DLG2: variants seen among roughly 807,000 people sequenced by gnomAD.
DLG2 encodes the protein disks large homolog 2.
A neutral mutation model predicts 132.5 loss-of-function variants in DLG2; 45 were observed. The ratio of observed to expected loss-of-function variants is 0.34; its 90% CI spans 0.27 to 0.44. The LOEUF is 0.44. Among genes scored for constraint, DLG2 ranks in the 20% least tolerant of loss-of-function variants. The probability of loss-of-function intolerance (pLI) is 1.00; values close to 1 mark genes in which losing one functional copy is unlikely to be tolerated. For missense variants in DLG2, 1,045 were observed against 1,196.9 expected (o/e 0.87, Z 1.87); for synonymous variants, 424 against 419.6 (o/e 1.01, Z -0.13).
chr11:83,615,163 C>A (rs1416014809), intron 19 of DLG2, among the ~76,000 whole-genome samples: 1 of 152,132 alleles, frequency 6.6e-6, no homozygotes, highest in Non-Finnish European at 1.5e-5. Context: ...TGCAAGTCTT[C>A]AGAATATCTT....
chr11:85,038,734 A>G (rs1290271175), intron 6 of DLG2, among the ~76,000 whole-genome samples: 1 of 152,090 alleles, frequency 6.6e-6, no homozygotes, highest in Admixed American at 6.6e-5. Context: ...AAGAATTTCT[A>G]TAAAGTGGCC....
chr11:84,273,983 T>C (rs888027674), intron 7 of DLG2, among the ~76,000 whole-genome samples: 4 of 152,206 alleles, frequency 2.6e-5, no homozygotes, highest in African/African-American at 9.6e-5. Flanking sequence ...GTCACTTTTA[T>C]TCCTTATTCT....
chr11:84,703,887 C>CGTGTGTGTGTGTGTGTGT (rs370287195), intron 6 of DLG2, among the ~76,000 whole-genome samples: 1 of 114,746 alleles, frequency 8.7e-6, no homozygotes, highest in Non-Finnish European at 1.7e-5. Flanking sequence ...TATATATACA[C>CGTGTGTGTGTGTGTGTGT]GTGTGTGTGT....
At chr11:83,746,003 A>C (rs570307614) in intron 18 of DLG2, among the ~76,000 whole-genome samples, 2 of 152,328 alleles carry the variant, frequency 1.3e-5, no homozygotes, top group East Asian at 3.9e-4. Context: ...TCATCAGAGA[A>C]ATGCAAATCA....
intron 8 of DLG2, among the ~76,000 whole-genome samples, chr11:84,180,171 G>A (rs918727406): frequency 5.3e-5 from 8 of 152,218 alleles, no homozygotes; most frequent in Admixed American, 3.3e-4. Flanking sequence ...GACGAATAAT[G>A]TAAGTAGAGA....
intron 6 of DLG2, among the ~76,000 whole-genome samples, chr11:84,946,846 A>T (rs947302640): frequency 6.6e-6 from 1 of 152,130 alleles, no homozygotes; most frequent in Non-Finnish European, 1.5e-5. Context: ...AGAGCCCCAG[A>T]GCCCTTTAGC....
chr11:83,885,330 T>G (rs763531816), intron 15 of DLG2, among the ~76,000 whole-genome samples: 1 of 152,066 alleles, frequency 6.6e-6, no homozygotes, highest in Non-Finnish European at 1.5e-5. Flanking sequence ...TGTGATCAAC[T>G]GGAAGAAAGG....
chr11:84,944,376 T>A (rs1043546352), intron 6 of DLG2, among the ~76,000 whole-genome samples: 1 of 152,122 alleles, frequency 6.6e-6, no homozygotes, highest in Non-Finnish European at 1.5e-5. Flanking sequence ...GATTTGGCCT[T>A]TTGAGGCTAT....
At position 84,296,164 on chromosome 11, in the gene DLG2, T is replaced by G. The variant is rs187863927; in HGVS notation, c.520-44873A>C. On this transcript the variant is annotated intron_variant, in intron 7 of 27. Coordinates refer to ENST00000376104, the MANE Select transcript of DLG2 (RefSeq NM_001142699.3). ...TACTATCTTAAAATCGAACTGAAAT[T>G]TAAAGGAGGAAAAAATTTTAGAGCA... Among the ~76,000 whole-genome samples the G allele has an allele frequency of 2.0e-4, 31 of 152,288 alleles. No homozygotes were observed. The East Asian group carries it at 6.0e-3, about 29-fold the overall frequency.
intron 7 of DLG2, among the ~76,000 whole-genome samples, chr11:84,478,859 T>C (rs1161191315): frequency 6.6e-6 from 1 of 152,060 alleles, no homozygotes; most frequent in Non-Finnish European, 1.5e-5. Context: ...CTTTGACGTA[T>C]AAAAGATGAT....
At chr11:85,500,557 AAAAT>A (rs71036481) in intron 3 of DLG2, among the ~76,000 whole-genome samples, 1 of 37,616 alleles carries the variant, frequency 2.7e-5, no homozygotes, top group Non-Finnish European at 7.0e-5. Flanking sequence ...AAATAAAAAT[AAAAT>A]AAATAAATAA....
At chr11:85,585,769 A>C (rs939812476) in intron 3 of DLG2, among the ~76,000 whole-genome samples, 1 of 150,942 alleles carries the variant, frequency 6.6e-6, no homozygotes, top group Non-Finnish European at 1.5e-5. Flanking sequence ...GCTGGAGTGC[A>C]GTGGCATGAT....
chr11:84,433,031 CA>C lies in DLG2; in HGVS notation c.519+101538del, dbSNP rs1269742764. ...AGAGTGAGGCCCTGTCAAAAAAATT[CA>C]AAAAAAGTTTTCCAAGGTGAGTATG... is the stretch of plus-strand genomic sequence containing the variant. On this transcript the variant is annotated intron_variant, in intron 7 of 27. Coordinates refer to ENST00000376104, the MANE Select transcript of DLG2 (RefSeq NM_001142699.3). Among the ~76,000 whole-genome samples, 5 of 151,864 alleles carry C rather than the reference CA, an allele frequency of 3.3e-5. No homozygotes were observed. In the East Asian group the frequency reaches 5.8e-4, roughly 18 times the overall value.
At chr11:85,028,907 C>A (rs1049726114) in intron 6 of DLG2, among the ~76,000 whole-genome samples, 1 of 152,126 alleles carries the variant, frequency 6.6e-6, no homozygotes, top group South Asian at 2.1e-4. Context: ...AGCGCGCAGC[C>A]CCAGCTGTGC....
At chr11:85,522,651 C>T (rs1425831028) in intron 3 of DLG2, among the ~76,000 whole-genome samples, 6 of 152,234 alleles carry the variant, frequency 3.9e-5, no homozygotes, top group African/African-American at 1.4e-4. Flanking sequence ...TTTGCATCAG[C>T]ATGAACTGGA....
chr11:84,664,299 A>G (rs1427638685), intron 6 of DLG2, among the ~76,000 whole-genome samples: 1 of 152,152 alleles, frequency 6.6e-6, no homozygotes, highest in East Asian at 1.9e-4. Flanking sequence ...AACAAAACAA[A>G]ACAAAACAAA....
chr11:83,754,696 T>G (rs560580675), intron 18 of DLG2, among the ~76,000 whole-genome samples: 3 of 151,206 alleles, frequency 2.0e-5, no homozygotes, highest in African/African-American at 7.4e-5. Flanking sequence ...TTGCTGAAGC[T>G]TGTCATGTAA....
chr11:84,948,718 C>G (rs2050542324), intron 6 of DLG2, among the ~76,000 whole-genome samples: 1 of 152,198 alleles, frequency 6.6e-6, no homozygotes, highest in Non-Finnish European at 1.5e-5. Context: ...TAACCTGGAT[C>G]TTGACAGGTA....
chr11:85,533,950 T>C (rs914889892), intron 3 of DLG2, among the ~76,000 whole-genome samples: 2 of 152,326 alleles, frequency 1.3e-5, no homozygotes, highest in East Asian at 1.9e-4. Context: ...AATAGAACAA[T>C]ATATGCCCAC....
Sources: allele counts gnomAD v4.1 joint callset (sites outside exome capture counted in the v4.1 genomes callset), GRCh38; gene constraint gnomAD v4.1.1; transcripts MANE v1.5; gene names NCBI Gene and HGNC (gene_info 2026-07-23, HGNC 2026-07-21).